The following SERINC5 variants were observed in gnomAD, a reference collection of about 807,000 sequenced individuals.
The protein encoded by SERINC5 is serine incorporator 5, also known as chromosome 5 open reading frame 12.
In SERINC5, 41 loss-of-function variants were observed where a neutral mutation model predicts 63.1. The ratio of observed to expected loss-of-function variants is 0.65; its 90% CI spans 0.51 to 0.84. The LOEUF is 0.84. Ranked by LOEUF, SERINC5 falls within the 40% of genes least tolerant of loss-of-function variation. The probability of loss-of-function intolerance (pLI) is 0.00; values close to 1 mark genes in which losing one functional copy is unlikely to be tolerated. For synonymous variants in SERINC5, 222 were observed against 215.2 expected (o/e 1.03, Z -0.28); for missense variants, 523 against 573.0 (o/e 0.91, Z 0.89).
chr5:80,234,859 C>G (rs574050784), intron 1 of SERINC5, among the ~76,000 whole-genome samples: 5 of 152,196 alleles, frequency 3.3e-5, no homozygotes, highest in Admixed American at 2.0e-4. Context: ...TTTTTATAAC[C>G]CCTACTTAAC....
chr5:80,142,202 C>G lies in SERINC5; in HGVS notation c.*1461G>C, dbSNP rs1181353580. The G allele has an allele frequency of 2.0e-6, 2 of 985,190 alleles. No homozygotes were observed. Among genetic ancestry groups the G allele is most frequent in the African/African-American group, 3.5e-5 (2 of 57,224 alleles). The allele number at this position is 985,190 out of a possible 1,614,324, so 61.0% of individuals were successfully genotyped here. ...AAACCTTTTCCCTGCCTGAATACAT[C>G]AACACTGAAAATAGGCATCATCTTG... is the stretch of plus-strand genomic sequence containing the variant. On this transcript the variant is annotated 3_prime_UTR_variant, in exon 12 of 12. Transcript: ENST00000507668.
chr5:80,186,547 T>C (rs1011758159), intron 2 of SERINC5, among the ~76,000 whole-genome samples: 14 of 152,146 alleles, frequency 9.2e-5, no homozygotes, highest in Non-Finnish European at 1.6e-4. Context: ...GAAGAAAGCA[T>C]TCTGAACTCA....
chr5:80,131,524 G>A (rs1000323824), intron 11 of SERINC5, among the ~76,000 whole-genome samples: 2 of 151,184 alleles, frequency 1.3e-5, no homozygotes, highest in Non-Finnish European at 3.0e-5. Context: ...AGAGCCTGCG[G>A]GGGAGAGGGG....
intron 2 of SERINC5, among the ~76,000 whole-genome samples, chr5:80,180,716 G>T (rs1315513334): frequency 6.6e-6 from 1 of 152,156 alleles, no homozygotes; most frequent in African/African-American, 2.4e-5. Context: ...AGTAAACTCC[G>T]CTATAAAAGA....
At chr5:80,215,885 C>T (rs191336294) in intron 1 of SERINC5, among the ~76,000 whole-genome samples, 2 of 152,276 alleles carry the variant, frequency 1.3e-5, no homozygotes, top group African/African-American at 4.8e-5. Flanking sequence ...CAAAGATGTT[C>T]CCCTTTTTTG....
intron 8 of SERINC5, among the ~76,000 whole-genome samples, chr5:80,156,168 T>C (rs762648852): frequency 2.6e-5 from 4 of 152,188 alleles, no homozygotes; most frequent in South Asian, 2.1e-4. Flanking sequence ...CTATAGTCTC[T>C]GGCTTCCTGC....
In SERINC5 at chr5:80,254,703, C is replaced by T. The variant is rs566670990; in HGVS notation, c.27+1193G>A. Among the ~76,000 whole-genome samples, 5 of 152,304 alleles carry T rather than the reference C, an allele frequency of 3.3e-5. No homozygotes were observed. The South Asian group carries it at 8.3e-4, about 25-fold the overall frequency. On this transcript the variant is annotated intron_variant, in intron 1 of 11. Coordinates refer to ENST00000507668, the MANE Select transcript of SERINC5 (RefSeq NM_001174072.3). ...GACCATTCTCATTCTCTTTCTCTCT[C>T]TGCCTGACACAGGGAAAAAAAATCA... is the stretch of plus-strand genomic sequence containing the variant.
intron 2 of SERINC5, among the ~76,000 whole-genome samples, chr5:80,201,778 G>A (rs373164841): frequency 6.6e-6 from 1 of 152,046 alleles, no homozygotes; most frequent in East Asian, 1.9e-4. Context: ...ACCAAAGAAC[G>A]GCCAAAAATC....
intron 2 of SERINC5, among the ~76,000 whole-genome samples, chr5:80,183,313 G>C (rs1025938379): frequency 2.0e-5 from 3 of 152,150 alleles, no homozygotes; most frequent in Non-Finnish European, 4.4e-5. Context: ...GAGGGCAGAG[G>C]ACAGACAGCA....
chr5:80,190,550 TA>T (rs1749119066), intron 2 of SERINC5, among the ~76,000 whole-genome samples: 1 of 152,202 alleles, frequency 6.6e-6, no homozygotes, highest in South Asian at 2.1e-4. Context: ...TGCTCTAAAC[TA>T]GGGGGATACG....
At chr5:80,135,355 T>C (rs531241034), downstream of SERINC5, among the ~76,000 whole-genome samples, 13 of 152,108 alleles carry the variant, frequency 8.5e-5, no homozygotes, top group East Asian at 2.1e-3. Context: ...TTTCAAATAG[T>C]AAAGGAAGGC....
chr5:80,250,153 G>A (rs924103181), intron 1 of SERINC5, among the ~76,000 whole-genome samples: 1 of 152,160 alleles, frequency 6.6e-6, no homozygotes, highest in East Asian at 1.9e-4. Context: ...CAGTAGCCAG[G>A]ATTTAATTCC....
At chr5:80,132,097 A>T (rs1420573008) in intron 11 of SERINC5, among the ~76,000 whole-genome samples, 1 of 152,206 alleles carries the variant, frequency 6.6e-6, no homozygotes, top group African/African-American at 2.4e-5. Context: ...ACCAGATAAC[A>T]GAGATGAGCC....
rs936405112 is a variant in SERINC5, at chr5:80,147,289, G to A, written c.1054-5C>T. ...GCAAAAACAACAGCGAGCTATCTGT[G>A]AAAGCAAAAGCAACAGTCAGGCGGC... is the stretch of plus-strand genomic sequence containing the variant. On this transcript the variant is annotated splice_polypyrimidine_tract_variant and splice_region_variant and intron_variant, in intron 9 of 11. Transcript: ENST00000507668. The A allele has an allele frequency of 6.2e-7, 1 of 1,605,594 alleles. No homozygotes were observed. The highest frequency in any genetic ancestry group is 1.3e-5 in the African/African-American group (1 of 74,910).
At chr5:80,240,183 A>G (rs528256290) in intron 1 of SERINC5, among the ~76,000 whole-genome samples, 1 of 152,312 alleles carries the variant, frequency 6.6e-6, no homozygotes, top group South Asian at 2.1e-4. Context: ...GGTAATACAC[A>G]AAAAATGCAC....
rs1023075966 is a variant in SERINC5 at position 80,140,084 on chromosome 5, C to T, written c.*3579G>A. ...GTGGTTTACGCCTATAATCCCAGCA[C>T]TTTGGGAAGCCAAGGCGGGCACATT... On this transcript the variant is annotated 3_prime_UTR_variant, in exon 12 of 12. Coordinates refer to ENST00000507668, the MANE Select transcript of SERINC5 (RefSeq NM_001174072.3). 2 of 973,112 alleles carry T rather than the reference C, an allele frequency of 2.1e-6. No homozygotes were observed. Among genetic ancestry groups the T allele is most frequent in the Non-Finnish European group, 2.4e-6 (2 of 819,030 alleles). The allele number at this position is 973,112 out of a possible 1,614,324, so 60.3% of individuals were successfully genotyped here.
intron 7 of SERINC5, among the ~76,000 whole-genome samples, chr5:80,159,464 G>A (rs559793422): frequency 7.0e-4 from 106 of 152,222 alleles, no homozygotes; most frequent in Non-Finnish European, 1.2e-3. Flanking sequence ...GTGGCTACAT[G>A]TGATATTGTG....
At chr5:80,167,588 A>G (rs1747385938) in intron 6 of SERINC5, among the ~76,000 whole-genome samples, 1 of 152,128 alleles carries the variant, frequency 6.6e-6, no homozygotes, top group Non-Finnish European at 1.5e-5. Context: ...ATACCCAGTA[A>G]TGAGATTGCT....
intron 1 of SERINC5, among the ~76,000 whole-genome samples, chr5:80,246,523 T>C (rs1234608694): frequency 6.6e-6 from 1 of 152,242 alleles, no homozygotes; most frequent in Non-Finnish European, 1.5e-5. Context: ...AATCACTATA[T>C]ACTGTAACCT....
Sources: allele counts gnomAD v4.1 joint callset (sites outside exome capture counted in the v4.1 genomes callset), GRCh38; gene constraint gnomAD v4.1.1; transcripts MANE v1.5; gene names NCBI Gene and HGNC (gene_info 2026-07-23, HGNC 2026-07-21).